DGKB: variants seen among roughly 807,000 people sequenced by gnomAD.
The protein encoded by DGKB is 90 kDa diacylglycerol kinase.
DGKB carries 67 observed loss-of-function variants against 114.3 expected under a neutral mutation model. The observed-to-expected ratio is 0.59, with a 90% CI of 0.48 to 0.72. The LOEUF (loss-of-function observed/expected upper bound fraction) is 0.72. Ranked by LOEUF, DGKB falls within the 30% of genes least tolerant of loss-of-function variation. The probability of loss-of-function intolerance (pLI) is 0.00; values close to 1 mark genes in which losing one functional copy is unlikely to be tolerated. For missense variants in DGKB, 907 were observed against 975.2 expected (o/e 0.93, Z 0.93); for synonymous variants, 398 against 323.1 (o/e 1.23, Z -2.49).
chr7:14,852,487 C>CAAAACAAAAA (rs1554304201), intron 1 of DGKB, among the ~76,000 whole-genome samples: 1 of 63,636 alleles, frequency 1.6e-5, no homozygotes, highest in East Asian at 5.0e-4. Flanking sequence ...TAGTGAAAGT[C>CAAAACAAAAA]AAAAAAAAAA....
chr7:14,436,801 TTTAA>T (rs1410334746), intron 21 of DGKB, among the ~76,000 whole-genome samples: 1 of 152,130 alleles, frequency 6.6e-6, no homozygotes, highest in Non-Finnish European at 1.5e-5. Flanking sequence ...TGACCTTTGT[TTTAA>T]TTAATGAAGT....
chr7:14,328,210 TA>T (rs1809094225), intron 23 of DGKB, among the ~76,000 whole-genome samples: 2 of 152,090 alleles, frequency 1.3e-5, no homozygotes, highest in Non-Finnish European at 2.9e-5. Flanking sequence ...GAAGCATTAG[TA>T]GGAAAACAAG....
chr7:14,647,804 A>G (rs950557343), intron 13 of DGKB, among the ~76,000 whole-genome samples: 11 of 152,232 alleles, frequency 7.2e-5, no homozygotes, highest in Non-Finnish European at 2.9e-5. Context: ...GCGCGAGCCG[A>G]AGCAGGGCGA....
intron 14 of DGKB, among the ~76,000 whole-genome samples, chr7:14,627,919 G>A (rs1239211400): frequency 1.3e-5 from 2 of 149,354 alleles, no homozygotes; most frequent in African/African-American, 2.5e-5. Context: ...CTCCAGCCTG[G>A]GAGACAGAGT....
intron 1 of DGKB, among the ~76,000 whole-genome samples, chr7:14,902,088 C>G (rs1783178589): frequency 6.6e-6 from 1 of 152,094 alleles, no homozygotes; most frequent in Non-Finnish European, 1.5e-5. Flanking sequence ...TAGCAGTTAT[C>G]TAGAGACCTA....
intron 25 of DGKB, among the ~76,000 whole-genome samples, chr7:14,158,216 G>A (rs956319211): frequency 3.3e-5 from 5 of 152,096 alleles, no homozygotes; most frequent in Admixed American, 6.5e-5. Flanking sequence ...ATTTAGTCCC[G>A]TGGAAACACA....
At chr7:14,548,401 T>C (rs1584738272) in intron 20 of DGKB, among the ~76,000 whole-genome samples, 1 of 152,080 alleles carries the variant, frequency 6.6e-6, no homozygotes, top group Admixed American at 6.6e-5. Flanking sequence ...CAAGCCCAGT[T>C]TGGTAGGTCA....
chr7:14,576,407 A>G (rs1049790393), intron 19 of DGKB, among the ~76,000 whole-genome samples: 2 of 151,332 alleles, frequency 1.3e-5, no homozygotes, highest in African/African-American at 2.4e-5. Flanking sequence ...AATTATATAC[A>G]TATATATATT....
At chr7:14,722,644 T>G (rs1437331441) in intron 5 of DGKB, among the ~76,000 whole-genome samples, 2 of 151,978 alleles carry the variant, frequency 1.3e-5, no homozygotes, top group African/African-American at 4.8e-5. Flanking sequence ...AAACCTCGTC[T>G]CTACTAAAAA....
chr7:14,649,569 A>G (rs1813957273), intron 13 of DGKB, among the ~76,000 whole-genome samples: 1 of 152,084 alleles, frequency 6.6e-6, no homozygotes, highest in Non-Finnish European at 1.5e-5. Context: ...CATCAACACT[A>G]GGAAGAAACT....
chr7:14,369,836 A>G (rs775686134), intron 21 of DGKB, among the ~76,000 whole-genome samples: 1 of 152,146 alleles, frequency 6.6e-6, no homozygotes, highest in African/African-American at 2.4e-5. Context: ...TGTCAGATGG[A>G]TAGACTGCAG....
rs561027853 is a variant in DGKB, at chr7:14,482,060, A to G, written c.1771-3835T>C. Among the ~76,000 whole-genome samples, 32 of 152,100 alleles carry G rather than the reference A, an allele frequency of 2.1e-4. 1 individual carries two copies. The highest frequency in any genetic ancestry group is 1.5e-3 in the South Asian group (7 of 4,826). On this transcript the variant is annotated intron_variant, in intron 20 of 25. Transcript: ENST00000402815. ...ATTAAATTGACTGGGTTCAAGACCC[A>G]GCTCTAAATTTTACTGAATATTTTA...
chr7:14,164,476 G>T (rs920179910), intron 25 of DGKB, among the ~76,000 whole-genome samples: 2 of 152,200 alleles, frequency 1.3e-5, no homozygotes, highest in African/African-American at 4.8e-5. Context: ...GGTCTTGGGA[G>T]ATTCAAGAGT....
At chr7:14,293,777 C>G (rs1802115753) in intron 23 of DGKB, among the ~76,000 whole-genome samples, 1 of 152,152 alleles carries the variant, frequency 6.6e-6, no homozygotes, top group African/African-American at 2.4e-5. Flanking sequence ...CAGTTTGAAA[C>G]CCTCCAATGG....
At chr7:14,361,940 G>A (rs1382561974) in intron 21 of DGKB, among the ~76,000 whole-genome samples, 4 of 151,890 alleles carry the variant, frequency 2.6e-5, no homozygotes, top group Non-Finnish European at 5.9e-5. Context: ...TTTTACATGA[G>A]TCAGAACAAA....
intron 21 of DGKB, among the ~76,000 whole-genome samples, chr7:14,423,543 T>C (rs1018638853): frequency 6.6e-6 from 1 of 152,124 alleles, no homozygotes; most frequent in African/African-American, 2.4e-5. Flanking sequence ...TTTATTTAAC[T>C]GTGTAATTAC....
chr7:14,193,804 T>C (rs1348004411), intron 23 of DGKB, among the ~76,000 whole-genome samples: 1 of 151,682 alleles, frequency 6.6e-6, no homozygotes. Flanking sequence ...TAACAAGGAG[T>C]TAATATATAG....
At chr7:14,233,242 A>C (rs2128345147) in intron 23 of DGKB, among the ~76,000 whole-genome samples, 1 of 152,124 alleles carries the variant, frequency 6.6e-6, no homozygotes, top group South Asian at 2.1e-4. Flanking sequence ...GTGGGGAAAC[A>C]ATTTTCAGAC....
At chr7:14,334,586 AT>A (rs879263838) in intron 23 of DGKB, among the ~76,000 whole-genome samples, 2,563 of 147,354 alleles carry the variant, frequency 0.017, 65 homozygotes, top group African/African-American at 0.056. Flanking sequence ...CTGGCAATGA[AT>A]TTTTTTTTTT....
Sources: allele counts gnomAD v4.1 joint callset (sites outside exome capture counted in the v4.1 genomes callset), GRCh38; gene constraint gnomAD v4.1.1; transcripts MANE v1.5; gene names NCBI Gene and HGNC (gene_info 2026-07-23, HGNC 2026-07-21).